ALPL: variants seen among roughly 807,000 people sequenced by gnomAD.
ALPL encodes alkaline phosphatase, biomineralization associated, also known as alkaline phosphatase, tissue-nonspecific isozyme.
Under a neutral mutation model 51.3 loss-of-function variants are expected in ALPL, and 42 were observed. The observed-to-expected ratio is 0.82, with a 90% CI of 0.64 to 1.06. ALPL has a LOEUF of 1.06. ALPL is among the 50% of genes least tolerant of loss of function. The probability of loss-of-function intolerance (pLI) is 0.00; values close to 1 mark genes in which losing one functional copy is unlikely to be tolerated. For missense variants in ALPL, 589 were observed against 709.4 expected (o/e 0.83, Z 1.93); for synonymous variants, 279 against 296.4 (o/e 0.94, Z 0.60).
intron 1 of ALPL, among the ~76,000 whole-genome samples, chr1:21,512,959 C>T (rs1390595275): frequency 6.6e-6 from 1 of 152,170 alleles, no homozygotes; most frequent in Non-Finnish European, 1.5e-5. Context: ...GGTTAAGCTG[C>T]TCAAGTATTA....
At chr1:21,551,044 C>T (rs1485498164) in intron 1 of ALPL, among the ~76,000 whole-genome samples, 2 of 152,118 alleles carry the variant, frequency 1.3e-5, no homozygotes, top group Non-Finnish European at 2.9e-5. Context: ...TAGATCCTGC[C>T]GGTTTTCCCA....
At chr1:21,509,144 C>T (rs1643626882), upstream of ALPL, among the ~76,000 whole-genome samples, 1 of 152,112 alleles carries the variant, frequency 6.6e-6, no homozygotes, top group South Asian at 2.1e-4. The surrounding 1 kb of genome is among the most constrained non-coding windows in gnomAD (Gnocchi z 6.0). Flanking sequence ...AGAGGAAGGG[C>T]TGGGCTGGGG....
At chr1:21,551,731 T>TTG (rs1644325712) in intron 1 of ALPL, among the ~76,000 whole-genome samples, 1 of 128,986 alleles carries the variant, frequency 7.8e-6, no homozygotes, top group East Asian at 2.2e-4. Context: ...TTTTTTTTTT[T>TTG]TTTTTTTTTT....
chr1:21,526,959 T>C (rs1336283385), intron 1 of ALPL, among the ~76,000 whole-genome samples: 1 of 152,036 alleles, frequency 6.6e-6, no homozygotes, highest in African/African-American at 2.4e-5. Flanking sequence ...CACATGAAAA[T>C]TGTCTAGATT....
intron 1 of ALPL, among the ~76,000 whole-genome samples, chr1:21,535,774 A>G (rs1644098114): frequency 6.6e-6 from 1 of 152,176 alleles, no homozygotes; most frequent in Admixed American, 6.5e-5. Flanking sequence ...ACAAACTCTC[A>G]AAGAAATGAT....
chr1:21,538,026 T>TA (rs1644132699), intron 1 of ALPL, among the ~76,000 whole-genome samples: 1 of 152,224 alleles, frequency 6.6e-6, no homozygotes, highest in African/African-American at 2.4e-5. Context: ...GCTTTGCGTG[T>TA]AAAGTGCTTA....
At chr1:21,549,366 A>G (rs745457229) in intron 1 of ALPL, among the ~76,000 whole-genome samples, 3 of 152,190 alleles carry the variant, frequency 2.0e-5, no homozygotes, top group Non-Finnish European at 4.4e-5. Context: ...CTCCACTTCT[A>G]AAAGACATCT....
intron 2 of ALPL, among the ~76,000 whole-genome samples, chr1:21,558,185 G>A (rs545080413): frequency 4.9e-4 from 74 of 152,338 alleles, no homozygotes; most frequent in African/African-American, 1.7e-3. Context: ...GCCCTTGTGG[G>A]ACTCCAGTCT....
At chr1:21,573,327 T>G (rs1048435046) in intron 8 of ALPL, among the ~76,000 whole-genome samples, 1 of 151,392 alleles carries the variant, frequency 6.6e-6, no homozygotes, top group African/African-American at 2.4e-5. Flanking sequence ...ATCCCAGCTA[T>G]TCAGGAGGCT....
At position 21,513,114 on chromosome 1, in the gene ALPL, G is replaced by A. The variant is rs144936820; in HGVS notation, c.-105+3597G>A. ...TTTTGTATTCATCTGAGGCCACAGA[G>A]TACTGGCCAGAGAGGAGACATAGAT... On this transcript the variant is annotated intron_variant, in intron 1 of 11. Coordinates refer to ENST00000374840, the MANE Select transcript of ALPL (RefSeq NM_000478.6). Among the ~76,000 whole-genome samples the A allele has an allele frequency of 1.6e-3, 245 of 152,110 alleles. 1 individual carries two copies. The highest frequency in any genetic ancestry group is 5.5e-3 in the African/African-American group (229 of 41,472).
chr1:21,510,701 A>C (rs1439132205), intron 1 of ALPL, among the ~76,000 whole-genome samples: 1 of 151,700 alleles, frequency 6.6e-6, no homozygotes, highest in African/African-American at 2.4e-5. Flanking sequence ...TAGGGGGCTG[A>C]GCCTTGGTTT....
chr1:21,519,751 C>A (rs944130629), intron 1 of ALPL, among the ~76,000 whole-genome samples: 1 of 152,194 alleles, frequency 6.6e-6, no homozygotes, highest in Admixed American at 6.5e-5. Flanking sequence ...GAGCAGAGAT[C>A]GTGCCACTGC....
intron 1 of ALPL, among the ~76,000 whole-genome samples, chr1:21,532,758 C>T (rs868075956): frequency 2.0e-5 from 3 of 152,178 alleles, no homozygotes; most frequent in African/African-American, 7.2e-5. Context: ...TCCTTCCCTC[C>T]ACTTCTGCTG....
chr1:21,561,179 G>A lies in ALPL; in HGVS notation c.264G>A (p.Glu88=), dbSNP rs749630641. 2.5e-6 allele frequency: 4 copies of A among 1,613,382 alleles called. No homozygotes were observed. The East Asian group carries it at 8.9e-5, about 36-fold the overall frequency. The change falls in exon 4 of 12, where the codon GAG becomes GAA. Residue 88 remains glutamate, a synonymous_variant. Transcript: ENST00000374840. ...ACCCTGGGGAGGAGACCAGGCTGGA[G>A]ATGGACAAGTTCCCCTTCGTGGCCC... ...HHNPGEETRL[E]MDKFPFVALS...
chr1:21,544,995 A>T (rs1459401262), intron 1 of ALPL, among the ~76,000 whole-genome samples: 2 of 152,028 alleles, frequency 1.3e-5, no homozygotes, highest in East Asian at 1.9e-4. Flanking sequence ...CTTTATTCCC[A>T]CCTTACAAAA....
chr1:21,511,305 G>T (rs1324903263), intron 1 of ALPL, among the ~76,000 whole-genome samples: 1 of 152,206 alleles, frequency 6.6e-6, no homozygotes, highest in Non-Finnish European at 1.5e-5. Flanking sequence ...CCTCACTTTA[G>T]CAAAGGCAGC....
intron 1 of ALPL, among the ~76,000 whole-genome samples, chr1:21,552,746 T>G (rs1376392733): frequency 6.6e-6 from 1 of 152,150 alleles, no homozygotes; most frequent in Non-Finnish European, 1.5e-5. Flanking sequence ...TAAAAAATGT[T>G]TTATTTTGTT....
intron 1 of ALPL, among the ~76,000 whole-genome samples, chr1:21,526,912 C>G (rs761060197): frequency 2.0e-5 from 3 of 152,088 alleles, no homozygotes; most frequent in Non-Finnish European, 4.4e-5. Context: ...AGTTTCCACA[C>G]CCTTCACTGA....
chr1:21,528,876 C>A (rs987128073), intron 1 of ALPL, among the ~76,000 whole-genome samples: 10 of 151,490 alleles, frequency 6.6e-5, no homozygotes, highest in Admixed American at 3.3e-4. Flanking sequence ...TCGAGACCAG[C>A]CTGGTCAACA....
Sources: allele counts gnomAD v4.1 joint callset (sites outside exome capture counted in the v4.1 genomes callset), GRCh38; gene constraint gnomAD v4.1.1; non-coding constraint Gnocchi (gnomAD v3.1); transcripts MANE v1.5; gene names NCBI Gene and HGNC (gene_info 2026-07-23, HGNC 2026-07-21).